KALRN: variants seen among roughly 807,000 people sequenced by gnomAD.
KALRN encodes kalirin RhoGEF kinase, also known as kalirin.
A neutral mutation model predicts 353.7 loss-of-function variants in KALRN; 70 were observed. The observed-to-expected ratio is 0.20, with a 90% CI of 0.16 to 0.24. The LOEUF (loss-of-function observed/expected upper bound fraction) is 0.24, where lower values mean the gene tolerates loss of function less well. Ranked by LOEUF, KALRN falls within the 10% of genes least tolerant of loss-of-function variation. The pLI, the probability that KALRN is intolerant of heterozygous loss-of-function variation, is 1.00. For synonymous variants in KALRN, 1,391 were observed against 1,434.8 expected (o/e 0.97, Z 0.69); for missense variants, 2,791 against 3,756.7 (o/e 0.74, Z 6.72).
At chr3:124,348,681 A>G (rs1377033911) in intron 10 of KALRN, among the ~76,000 whole-genome samples, 2 of 152,170 alleles carry the variant, frequency 1.3e-5, no homozygotes, top group East Asian at 1.9e-4. Flanking sequence ...CAGCAATTCC[A>G]CTTCAGGCTG....
At chr3:124,235,683 C>T (rs1048870735) in intron 3 of KALRN, among the ~76,000 whole-genome samples, 2 of 152,202 alleles carry the variant, frequency 1.3e-5, no homozygotes, top group Admixed American at 6.5e-5. Context: ...CTCAACCCTC[C>T]TGAGTCCAGC....
intron 10 of KALRN, among the ~76,000 whole-genome samples, chr3:124,371,121 T>A (rs991157561): frequency 9.2e-5 from 14 of 152,244 alleles, no homozygotes; most frequent in Non-Finnish European, 1.9e-4. Context: ...TTGCTCTGAT[T>A]GGGGCTGTTT....
chr3:124,063,785 G>A (rs1233025568), intron 1 of KALRN, among the ~76,000 whole-genome samples: 1 of 152,140 alleles, frequency 6.6e-6, no homozygotes, highest in Non-Finnish European at 1.5e-5. Context: ...GCACCATCAG[G>A]TCAATTCAAC....
At chr3:124,510,051 GA>G (rs1475279401) in intron 33 of KALRN, among the ~76,000 whole-genome samples, 1 of 152,196 alleles carries the variant, frequency 6.6e-6, no homozygotes, top group Non-Finnish European at 1.5e-5. Flanking sequence ...AAGCTATCAG[GA>G]GTGCTATATG....
intron 1 of KALRN, among the ~76,000 whole-genome samples, chr3:124,080,458 A>G (rs778292529): frequency 7.2e-5 from 11 of 152,082 alleles, no homozygotes; most frequent in Non-Finnish European, 1.5e-4. Flanking sequence ...GCATTTACAT[A>G]GATAGATAGA....
At chr3:124,467,079 AGATTTG>A (rs1476013826) in intron 25 of KALRN, among the ~76,000 whole-genome samples, 3 of 152,184 alleles carry the variant, frequency 2.0e-5, no homozygotes, top group Non-Finnish European at 4.4e-5. Flanking sequence ...GGAAGCTATT[AGATTTG>A]GCCTTGGCCA....
At chr3:124,545,323 A>T (rs536903320) in intron 33 of KALRN, among the ~76,000 whole-genome samples, 4 of 152,332 alleles carry the variant, frequency 2.6e-5, no homozygotes, top group East Asian at 1.9e-4. Flanking sequence ...TGAGGTCAAC[A>T]TTAGACCCTG....
intron 1 of KALRN, among the ~76,000 whole-genome samples, chr3:124,091,108 C>T (rs944689166): frequency 2.6e-5 from 4 of 152,196 alleles, no homozygotes; most frequent in African/African-American, 9.6e-5. Context: ...ACCACTTGGG[C>T]GCTAATCGCC....
intron 1 of KALRN, among the ~76,000 whole-genome samples, chr3:124,132,174 C>T (rs1391085553): frequency 6.6e-6 from 1 of 152,194 alleles, no homozygotes; most frequent in Non-Finnish European, 1.5e-5. Context: ...GTATCTCTTT[C>T]CATCATTAGT....
intron 55 of KALRN, among the ~76,000 whole-genome samples, chr3:124,698,311 A>G (rs1175179101): frequency 6.6e-6 from 1 of 152,150 alleles, no homozygotes; most frequent in Non-Finnish European, 1.5e-5. Context: ...CTTCGTCTCT[A>G]GGAGGTCCTT....
chr3:124,126,778 A>G (rs1011344123), intron 1 of KALRN, among the ~76,000 whole-genome samples: 1 of 152,204 alleles, frequency 6.6e-6, no homozygotes, highest in Non-Finnish European at 1.5e-5. Context: ...TCTACTCCAT[A>G]TGTTCACAGA....
intron 5 of KALRN, among the ~76,000 whole-genome samples, chr3:124,270,021 G>GTTACCTT (rs1195315352): frequency 2.0e-5 from 3 of 152,202 alleles, no homozygotes; most frequent in Non-Finnish European, 4.4e-5. Flanking sequence ...GGAAAAGTAA[G>GTTACCTT]ATAAGAGAAT....
chr3:124,080,899 A>G (rs1419399629), intron 1 of KALRN, among the ~76,000 whole-genome samples: 2 of 152,202 alleles, frequency 1.3e-5, no homozygotes, highest in Non-Finnish European at 2.9e-5. Context: ...GATCTAAGGA[A>G]ACGATTGTTT....
chr3:124,536,979 G>A (rs913750557), intron 33 of KALRN, among the ~76,000 whole-genome samples: 6 of 152,120 alleles, frequency 3.9e-5, no homozygotes, highest in East Asian at 1.9e-4. Flanking sequence ...ATGATGAGGC[G>A]AAGTACAGCA....
At chr3:124,508,393 C>A (rs1209739535) in intron 33 of KALRN, among the ~76,000 whole-genome samples, 1 of 152,188 alleles carries the variant, frequency 6.6e-6, no homozygotes, top group African/African-American at 2.4e-5. Context: ...AATTTCATCT[C>A]AATGTGGCTG....
In KALRN at chr3:124,368,143, AC is replaced by A. The variant is rs1249431204; in HGVS notation, c.1771-16694del. Among the ~76,000 whole-genome samples the A allele has an allele frequency of 9.5e-4, 37 of 39,130 alleles. 3 individuals are homozygous for A. The highest frequency in any genetic ancestry group is 3.4e-3 in the Admixed American group (11 of 3,266). The allele number at this position is 39,130 out of a possible 152,430, so 25.7% of individuals were successfully genotyped here. A position where few individuals can be genotyped will look rare whatever the true frequency, so the allele number is the denominator to read the frequency against. ...GGGCAGCTGGCCAGGCGGGGGGCTGACCCCCCCCACCTCCCTCCCGGACAGC... is the reference window on the plus strand; with the variant it reads ...GGGCAGCTGGCCAGGCGGGGGGCTGACCCCCCCACCTCCCTCCCGGACAGC... On this transcript the variant is annotated intron_variant, in intron 10 of 59. Transcript: ENST00000682506.
In KALRN at chr3:124,033,530, C is replaced by A. The variant is rs897940396; in HGVS notation, c.-211C>A. ...GTACCATGGGGGAGCTGGCGGCAGG[C>A]ACCCCCAGCCCGCCGCGCGCCTCCG... On this transcript the variant is annotated 5_prime_UTR_variant, in exon 1 of 60. Coordinates refer to ENST00000682506, the MANE Select transcript of KALRN (RefSeq NM_001388419.1). This position sits in a 1 kb window ranked among gnomAD's most constrained non-coding sequence, Gnocchi z 6.2. Among the ~76,000 whole-genome samples the A allele has an allele frequency of 4.0e-5, 6 of 151,812 alleles. No homozygotes were observed. The highest frequency in any genetic ancestry group is 1.4e-4 in the African/African-American group (6 of 41,500).
intron 27 of KALRN, among the ~76,000 whole-genome samples, chr3:124,481,826 A>G (rs1008667928): frequency 2.0e-5 from 3 of 152,006 alleles, no homozygotes; most frequent in East Asian, 3.9e-4. Flanking sequence ...CCTTATCTCT[A>G]CTAACCACCC....
At chr3:124,320,531 C>G (rs6771631) in intron 6 of KALRN, among the ~76,000 whole-genome samples, 150,645 of 152,290 alleles carry the variant, frequency 0.99, 74,526 homozygotes, top group East Asian at 1. Flanking sequence ...GGAGGCTTCT[C>G]TCACCTTTTG....
Sources: allele counts gnomAD v4.1 joint callset (sites outside exome capture counted in the v4.1 genomes callset), GRCh38; gene constraint gnomAD v4.1.1; non-coding constraint Gnocchi (gnomAD v3.1); transcripts MANE v1.5; gene names NCBI Gene and HGNC (gene_info 2026-07-23, HGNC 2026-07-21).